STAT4: variants seen among roughly 807,000 people sequenced by gnomAD.
The protein encoded by STAT4 is signal transducer and activator of transcription 4.
A neutral mutation model predicts 110.5 loss-of-function variants in STAT4; 42 were observed. The ratio of observed to expected loss-of-function variants is 0.38; its 90% CI spans 0.30 to 0.49. STAT4 has a LOEUF of 0.49. Among genes scored for constraint, STAT4 ranks in the 20% least tolerant of loss-of-function variants. The probability of loss-of-function intolerance (pLI) is 0.95; values close to 1 mark genes in which losing one functional copy is unlikely to be tolerated. For missense variants in STAT4, 632 were observed against 887.9 expected (o/e 0.71, Z 3.66); for synonymous variants, 284 against 302.2 (o/e 0.94, Z 0.63).
At chr2:191,126,225 A>G (rs963323239) in intron 3 of STAT4, among the ~76,000 whole-genome samples, 2 of 152,222 alleles carry the variant, frequency 1.3e-5, no homozygotes, top group African/African-American at 4.8e-5. Flanking sequence ...AAAATATGTT[A>G]GAGGCCTATT....
In STAT4 at chr2:191,061,602, T is replaced by G. The variant is rs1696850857; in HGVS notation, c.1034+127A>C. 1.1e-6 allele frequency: 1 copy of G among 879,500 alleles called. No individual in the cohort carries two copies. The highest frequency in any genetic ancestry group is 1.4e-5 in the South Asian group (1 of 70,014). 54.5% of individuals were successfully genotyped at this position (879,500 alleles called of 1,614,324 possible). ...GTGGGTATTTCCCCAAGCTCAGAGC[T>G]GGGCACACAGCAGATGGTTCAATAA... On this transcript the variant is annotated intron_variant, in intron 10 of 23. Transcript: ENST00000392320. The surrounding 1 kb of genome is among the most constrained non-coding windows in gnomAD (Gnocchi z 6.2).
chr2:191,125,476 T>TTTATTATTATTATTATTATTATTATTA (rs6147087), intron 3 of STAT4, among the ~76,000 whole-genome samples: 1,607 of 137,986 alleles, frequency 0.012, 17 homozygotes, highest in South Asian at 0.014. Context: ...ATCCTCATTA[T>TTTATTATTATTATTATTATTATTATTA]TTATTATTAT....
At chr2:191,089,227 A>T (rs1019682374) in intron 3 of STAT4, among the ~76,000 whole-genome samples, 3 of 152,202 alleles carry the variant, frequency 2.0e-5, no homozygotes, top group Admixed American at 2.0e-4. Context: ...AAACAAACTC[A>T]ATTTAAAAAT....
Position 191,091,867 on chromosome 2 carries a change from A to G in STAT4, c.274-15542T>C, listed in dbSNP as rs1177307157. ...TTAACCATCAAGTTCATTGTCTCTA[A>G]GCTGAAGGGAGGAGAACTTGTCTTA... On this transcript the variant is annotated intron_variant, in intron 3 of 23. Transcript: ENST00000392320. The surrounding 1 kb of genome is among the most constrained non-coding windows in gnomAD (Gnocchi z 5.4). Among the ~76,000 whole-genome samples, 3 of 152,186 alleles carry G rather than the reference A, an allele frequency of 2.0e-5. No homozygotes were observed. Among genetic ancestry groups the G allele is most frequent in the Non-Finnish European group, 4.4e-5 (3 of 68,030 alleles).
At position 191,091,253 on chromosome 2, in the gene STAT4, G is replaced by A. The variant is rs543878028; in HGVS notation, c.274-14928C>T. Among the ~76,000 whole-genome samples, 3 of 152,114 alleles carry A rather than the reference G, an allele frequency of 2.0e-5. No homozygotes were observed. Among genetic ancestry groups the A allele is most frequent in the African/African-American group, 7.2e-5 (3 of 41,498 alleles). On this transcript the variant is annotated intron_variant, in intron 3 of 23. Transcript: ENST00000392320. The surrounding 1 kb of genome is among the most constrained non-coding windows in gnomAD (Gnocchi z 5.4). ...AAATTCTAGAATGAATACACAAGATGACATGATTTTCTCTACATTGGCAAT... is the reference window on the plus strand; with the variant it reads ...AAATTCTAGAATGAATACACAAGATAACATGATTTTCTCTACATTGGCAAT...
At position 191,142,465 on chromosome 2, in the gene STAT4, G is replaced by A. The variant is rs778415611; in HGVS notation, c.273+4148C>T. Among the ~76,000 whole-genome samples, 1 of 152,150 alleles carries A rather than the reference G, an allele frequency of 6.6e-6. No homozygotes were observed. Among genetic ancestry groups the A allele is most frequent in the South Asian group, 2.1e-4 (1 of 4,818 alleles). On this transcript the variant is annotated intron_variant, in intron 3 of 23. Coordinates refer to ENST00000392320, the MANE Select transcript of STAT4 (RefSeq NM_003151.4). The surrounding 1 kb of genome is among the most constrained non-coding windows in gnomAD (Gnocchi z 4.1). ...ATACCAGAGGCTGGGAAGGGTGGGT[G>A]GATGGAGGGAAATGAAAAGAGCCTG...
Position 191,104,112 on chromosome 2 carries a change from A to G in STAT4, c.274-27787T>C, listed in dbSNP as rs1223590881. On this transcript the variant is annotated intron_variant, in intron 3 of 23. Transcript: ENST00000392320. This position sits in a 1 kb window ranked among gnomAD's most constrained non-coding sequence, Gnocchi z 4.3. Reference sequence around the variant, plus strand: ...TATAATCCCCGTTTTGTGAAAAAATATATCTATTCATCTCTAATACTTTTA... The same window carrying G: ...TATAATCCCCGTTTTGTGAAAAAATGTATCTATTCATCTCTAATACTTTTA... Among the ~76,000 whole-genome samples the G allele has an allele frequency of 6.6e-6, 1 of 152,178 alleles. No individual in the cohort carries two copies. The highest frequency in any genetic ancestry group is 1.5e-5 in the Non-Finnish European group (1 of 68,014).
At chr2:191,073,072 C>A in intron 5 of STAT4, 26 bp downstream of exon 5, 1 of 1,594,644 alleles carries the variant, frequency 6.3e-7, no homozygotes, top group South Asian at 1.1e-5. Context: ...TCTAGACTTT[C>A]TAGGTATCTG....
chr2:191,091,146 C>T lies in STAT4; in HGVS notation c.274-14821G>A, dbSNP rs1336425991. Among the ~76,000 whole-genome samples, 1 of 151,950 alleles carries T rather than the reference C, an allele frequency of 6.6e-6. No individual in the cohort carries two copies. The highest frequency in any genetic ancestry group is 1.5e-5 in the Non-Finnish European group (1 of 67,996). ...AAGGACAAGAAAATGAAATAGTAAA[C>T]GTAAATATTGGTAAAGGGGGTATGC... On this transcript the variant is annotated intron_variant, in intron 3 of 23. Transcript: ENST00000392320. This position sits in a 1 kb window ranked among gnomAD's most constrained non-coding sequence, Gnocchi z 5.4.
intron 3 of STAT4, among the ~76,000 whole-genome samples, chr2:191,118,492 G>GT (rs1698628809): frequency 6.6e-6 from 1 of 151,966 alleles, no homozygotes; most frequent in African/African-American, 2.4e-5. Flanking sequence ...ATTGTTTTGT[G>GT]TTTTTTCATT....
At chr2:191,131,079 G>A (rs1043050738) in intron 3 of STAT4, among the ~76,000 whole-genome samples, 1 of 151,298 alleles carries the variant, frequency 6.6e-6, no homozygotes, top group African/African-American at 2.4e-5. Context: ...AAGTGTAGAT[G>A]AGAATATTGA....
intron 3 of STAT4, among the ~76,000 whole-genome samples, chr2:191,078,860 A>G (rs1159584552): frequency 6.6e-6 from 1 of 152,110 alleles, no homozygotes; most frequent in East Asian, 1.9e-4. Context: ...CTTATGATTT[A>G]AGAAATCTTT....
At chr2:191,141,606 C>T (rs199555495) in intron 3 of STAT4, among the ~76,000 whole-genome samples, 23,625 of 137,942 alleles carry the variant, frequency 0.17, 1,986 homozygotes, top group East Asian at 0.27. Flanking sequence ...TGTATATATA[C>T]ACACACACAT....
chr2:191,148,398 T>C (rs1428399042), intron 1 of STAT4, among the ~76,000 whole-genome samples, 194 bp from the exon 2 acceptor site: 2 of 152,158 alleles, frequency 1.3e-5, no homozygotes, highest in African/African-American at 4.8e-5. Context: ...GCCCCTAAAC[T>C]ACAGCCTTCC....
In STAT4 at chr2:191,031,238, G is replaced by T; in HGVS notation, c.2112-158C>A. ...ATATCAGAACACTCAACTTACTGTGGCATATATGGCATATAAAAGGGGAAT... is the reference window on the plus strand; with the variant it reads ...ATATCAGAACACTCAACTTACTGTGTCATATATGGCATATAAAAGGGGAAT... On this transcript the variant is annotated intron_variant, in intron 22 of 23. Transcript: ENST00000392320. This position sits in a 1 kb window ranked among gnomAD's most constrained non-coding sequence, Gnocchi z 4.8. 1.2e-6 allele frequency: 1 copy of T among 864,914 alleles called. No homozygotes were observed. Among genetic ancestry groups the T allele is most frequent in the Non-Finnish European group, 1.8e-6 (1 of 560,996 alleles). 53.6% of individuals were successfully genotyped at this position (864,914 alleles called of 1,614,324 possible).
intron 3 of STAT4, among the ~76,000 whole-genome samples, chr2:191,128,756 G>A (rs1698952449): frequency 6.6e-6 from 1 of 152,184 alleles, no homozygotes; most frequent in Non-Finnish European, 1.5e-5. Flanking sequence ...ACCCTGGCTT[G>A]TGAAAAATAC....
intron 3 of STAT4, among the ~76,000 whole-genome samples, chr2:191,092,917 C>T: frequency 6.6e-6 from 1 of 152,194 alleles, no homozygotes; most frequent in Non-Finnish European, 1.5e-5. Flanking sequence ...CTCGGTGGGT[C>T]CCATGCCCAT....
At position 191,112,763 on chromosome 2, in the gene STAT4, G is replaced by A. The variant is rs2125367040; in HGVS notation, c.273+33850C>T. Reference sequence around the variant, plus strand: ...CGCCCAGTTACAAATGGTAGATGTGGAAGCAGAACAATGACGCTCTGTCTT... The same window carrying A: ...CGCCCAGTTACAAATGGTAGATGTGAAAGCAGAACAATGACGCTCTGTCTT... On this transcript the variant is annotated intron_variant, in intron 3 of 23. Coordinates refer to ENST00000392320, the MANE Select transcript of STAT4 (RefSeq NM_003151.4). The surrounding 1 kb of genome is among the most constrained non-coding windows in gnomAD (Gnocchi z 4.3). Among the ~76,000 whole-genome samples the A allele has an allele frequency of 6.6e-6, 1 of 152,302 alleles. No homozygotes were observed. Among genetic ancestry groups the A allele is most frequent in the South Asian group, 2.1e-4 (1 of 4,832 alleles).
intron 13 of STAT4, among the ~76,000 whole-genome samples, chr2:191,056,486 C>T (rs754051585): frequency 2.0e-5 from 3 of 152,096 alleles, no homozygotes; most frequent in African/African-American, 7.2e-5. Context: ...AAAATGAAAG[C>T]GCTTTTAGCC....
Sources: gnomAD v4.1 joint callset for allele counts (sites outside exome capture counted in the v4.1 genomes callset) on GRCh38, gnomAD v4.1.1 for gene constraint, Gnocchi (gnomAD v3.1) non-coding constraint, MANE v1.5 for transcripts, NCBI Gene and HGNC (gene_info 2026-07-23, HGNC 2026-07-21) for gene names.